ZFP64: variants seen among roughly 807,000 people sequenced by gnomAD.
ZFP64 encodes ZFP64 zinc finger protein, also known as zinc finger protein 64.
In ZFP64, 14 loss-of-function variants were observed where a neutral mutation model predicts 51.6. The ratio of observed to expected loss-of-function variants is 0.27; its 90% CI spans 0.18 to 0.42. The LOEUF (loss-of-function observed/expected upper bound fraction) is 0.42, where lower values mean the gene tolerates loss of function less well. ZFP64 is among the 10% of genes least tolerant of loss of function. The probability of loss-of-function intolerance (pLI) is 1.00; values close to 1 mark genes in which losing one functional copy is unlikely to be tolerated. For missense variants in ZFP64, 754 were observed against 906.8 expected, an observed-to-expected ratio of 0.83 and a Z score of 2.16; for synonymous variants, 375 against 361.4, an observed-to-expected ratio of 1.04 and a Z score of -0.43.
Position 52,160,374 on chromosome 20 carries a change from C to A in ZFP64, c.512G>T (p.Gly171Val), listed in dbSNP as rs1386617414. 1 of 1,609,276 alleles carries A rather than the reference C, an allele frequency of 6.2e-7. No individual in the cohort carries two copies. The highest frequency in any genetic ancestry group is 8.5e-7 in the Non-Finnish European group (1 of 1,176,540). Residue 171 changes from glycine (G) to valine (V), a missense_variant and splice_region_variant, in exon 5 of 6, where the codon GGA becomes GTA. Gly to Val is a moderately radical substitution (Grantham distance 109). This residue lies in a region of ZFP64 where 231 missense variants were observed against 336.7 expected (regional missense o/e 0.69). Transcript: ENST00000216923. This position sits in a 1 kb window ranked among gnomAD's most constrained non-coding sequence, Gnocchi z 4.2. The part of the protein sequence containing the change: ...DMERHLKIHT[G>V]DKPHKCEVCG... ...GACTTCACACTTATGGGGTTTGTCT[C>A]CTTCAAACACATACACACACAGATG...
At chr20:52,158,537 C>G (rs1341782607) in intron 5 of ZFP64, among the ~76,000 whole-genome samples, 1 of 152,058 alleles carries the variant, frequency 6.6e-6, no homozygotes, top group Middle Eastern at 3.2e-3. Flanking sequence ...GAAATCCCAT[C>G]TCTACTAAAA....
intron 5 of ZFP64, among the ~76,000 whole-genome samples, chr20:52,115,738 G>C (rs954164999): frequency 3.9e-5 from 6 of 151,926 alleles, no homozygotes; most frequent in Non-Finnish European, 8.8e-5. Flanking sequence ...TCTTAAGCAA[G>C]AAAAGGGGAG....
chr20:52,172,203 TGG>T, intron 2 of ZFP64, among the ~76,000 whole-genome samples: 4 of 150,114 alleles, frequency 2.7e-5, no homozygotes, highest in Non-Finnish European at 4.4e-5. Context: ...GTGTGTGTGT[TGG>T]TGTGTGTGTG....
At chr20:52,166,744 A>G (rs1042379919) in intron 2 of ZFP64, among the ~76,000 whole-genome samples, 6 of 152,064 alleles carry the variant, frequency 3.9e-5, no homozygotes, top group East Asian at 1.9e-4. Flanking sequence ...CCTGCCCTAG[A>G]CTTCTTAAAT....
In ZFP64 at chr20:52,088,466, G is replaced by A. The variant is rs370373546; in HGVS notation, c.1154C>T (p.Pro385Leu). Reference sequence around the variant, plus strand: ...ATAGGGGCAGAGCTGGCATTTGTACGGCCGCTCATCAGAGTGGATCCGCAG... The same window carrying A: ...ATAGGGGCAGAGCTGGCATTTGTACAGCCGCTCATCAGAGTGGATCCGCAG... The change falls in exon 8 of 9, where the codon CCG (proline) becomes CTG (leucine). Residue 385 changes from proline (P) to leucine (L), a missense_variant. Coordinates refer to the ZFP64 transcript ENST00000361387. The A allele has an allele frequency of 6.2e-6, 10 of 1,614,054 alleles. No homozygotes were observed. Among genetic ancestry groups the A allele is most frequent in the African/African-American group, 5.3e-5 (4 of 74,930 alleles).
chr20:52,142,364 T>TCA (rs1326395266), intron 5 of ZFP64, among the ~76,000 whole-genome samples: 17 of 73,852 alleles, frequency 2.3e-4, no homozygotes, highest in Non-Finnish European at 4.6e-4. Flanking sequence ...TGAGACTTCA[T>TCA]CACACACACA....
intron 5 of ZFP64, among the ~76,000 whole-genome samples, chr20:52,134,806 C>T (rs66953446): frequency 0.2 from 30,650 of 152,058 alleles, 3,375 homozygotes; most frequent in Admixed American, 0.27. Flanking sequence ...TTTGAACTTA[C>T]GGACCACTTT....
intron 5 of ZFP64, among the ~76,000 whole-genome samples, chr20:52,101,609 T>C (rs1254760048): frequency 1.3e-5 from 2 of 152,268 alleles, no homozygotes; most frequent in African/African-American, 4.8e-5. Context: ...GGTTTTGCCA[T>C]GTTGCCCATG....
chr20:52,109,901 C>T (rs1310225341), intron 5 of ZFP64, among the ~76,000 whole-genome samples: 2 of 151,756 alleles, frequency 1.3e-5, no homozygotes, highest in Admixed American at 1.3e-4. Flanking sequence ...ACAAGGGAAT[C>T]ATGGCCAAAC....
chr20:52,099,531 T>A (rs1443270984), intron 5 of ZFP64, among the ~76,000 whole-genome samples: 2 of 152,192 alleles, frequency 1.3e-5, no homozygotes, highest in Non-Finnish European at 2.9e-5. Context: ...GGCTCCTGAT[T>A]AGAATATGCT....
At chr20:52,134,788 CAATCTAATTTG>C (rs1033942401) in intron 5 of ZFP64, among the ~76,000 whole-genome samples, 1 of 152,138 alleles carries the variant, frequency 6.6e-6, no homozygotes, top group African/African-American at 2.4e-5. Context: ...AATACAAATT[CAATCTAATTTG>C]AACTTACGGA....
chr20:52,105,135 G>A (rs1169861545), intron 5 of ZFP64: 4 of 1,419,814 alleles, frequency 2.8e-6, no homozygotes, highest in Non-Finnish European at 9.1e-7. Flanking sequence ...TACTCACCCG[G>A]CTCCCCCGCC....
At chr20:52,116,200 A>G (rs1978861927) in intron 5 of ZFP64, among the ~76,000 whole-genome samples, 1 of 147,754 alleles carries the variant, frequency 6.8e-6, no homozygotes, top group Non-Finnish European at 1.5e-5. Context: ...CAGTGGTGGG[A>G]TCTTGGCTTA....
At position 52,191,526 on chromosome 20, in the gene ZFP64, T is replaced by G. The variant is rs1201818649; in HGVS notation, c.46+65A>C. 2 of 1,476,894 alleles carry G rather than the reference T, an allele frequency of 1.4e-6. No homozygotes were observed. The highest frequency in any genetic ancestry group is 1.8e-6 in the Non-Finnish European group (2 of 1,114,024). 91.5% of individuals were successfully genotyped at this position (1,476,894 alleles called of 1,614,324 possible). On this transcript the variant is annotated intron_variant, in intron 1 of 5. Coordinates refer to ENST00000216923, the MANE Select transcript of ZFP64 (RefSeq NM_018197.3). This position sits in a 1 kb window ranked among gnomAD's most constrained non-coding sequence, Gnocchi z 4.3. Reference sequence around the variant, plus strand: ...CTGCTGGCTGCGTCGCAGACGTGCTTGGGCCCGGGCCCCGGAGCGCGCACT... The same window carrying G: ...CTGCTGGCTGCGTCGCAGACGTGCTGGGGCCCGGGCCCCGGAGCGCGCACT...
At chr20:52,118,220 C>T (rs1020801878) in intron 5 of ZFP64, among the ~76,000 whole-genome samples, 2 of 149,436 alleles carry the variant, frequency 1.3e-5, no homozygotes, top group African/African-American at 4.9e-5. Flanking sequence ...TGCTCCCACA[C>T]CCCACCCACC....
intron 2 of ZFP64, among the ~76,000 whole-genome samples, chr20:52,167,491 C>A (rs548145328): frequency 1.2e-5 from 1 of 84,244 alleles, no homozygotes; most frequent in African/African-American, 4.8e-5. Flanking sequence ...TCCTCCCTCC[C>A]TTCTTCTCTC....
rs895811111 is a variant in ZFP64 at position 52,104,967 on chromosome 20, A to G, written c.764-6380T>C. Reference sequence around the variant, plus strand: ...TGGACTCCAGGAGAGTGTAATTTACAAAGGCGGGGGGCGGGGACGCCCAGG... The same window carrying G: ...TGGACTCCAGGAGAGTGTAATTTACGAAGGCGGGGGGCGGGGACGCCCAGG... On this transcript the variant is annotated intron_variant, in intron 5 of 8. Transcript: ENST00000361387. 1.1e-5 allele frequency: 9 copies of G among 806,010 alleles called. No individual in the cohort carries two copies. In the East Asian group the frequency reaches 1.9e-4, roughly 17 times the overall value. 49.9% of individuals were successfully genotyped at this position (806,010 alleles called of 1,614,324 possible). A position where few individuals can be genotyped will look rare whatever the true frequency, so the allele number is the denominator to read the frequency against.
At chr20:52,119,109 C>T (rs1338675064) in intron 5 of ZFP64, among the ~76,000 whole-genome samples, 5 of 152,080 alleles carry the variant, frequency 3.3e-5, no homozygotes, top group Non-Finnish European at 7.4e-5. Flanking sequence ...CATGCCATTG[C>T]ATTCCAGCCT....
intron 5 of ZFP64, chr20:52,098,729 CG>C (rs1450322828): frequency 4.5e-6 from 5 of 1,112,756 alleles, no homozygotes; most frequent in Non-Finnish European, 6.3e-6. Context: ...TGTGACCAGG[CG>C]GGGTGGCTCA....
Sources: gnomAD v4.1 joint callset for allele counts (sites outside exome capture counted in the v4.1 genomes callset) on GRCh38, gnomAD v4.1.1 for gene constraint, gnomAD v4.1.1 regional missense constraint, Gnocchi (gnomAD v3.1) non-coding constraint, MANE v1.5 for transcripts, NCBI Gene and HGNC (gene_info 2026-07-23, HGNC 2026-07-21) for gene names.